GPR39: variants seen among roughly 807,000 people sequenced by gnomAD.
GPR39 encodes G protein-coupled receptor 39.
GPR39 carries 23 observed loss-of-function variants against 18.4 expected under a neutral mutation model. The observed-to-expected ratio is 1.25, with a 90% CI of 0.90 to 1.77. The LOEUF (loss-of-function observed/expected upper bound fraction) is 1.77, where lower values mean the gene tolerates loss of function less well. Ranked by LOEUF, GPR39 falls within the 40% of genes most tolerant of loss-of-function variation. GPR39 has a pLI of 0.00. For missense variants in GPR39, 647 were observed against 602.4 expected (o/e 1.07, Z -0.78); for synonymous variants, 280 against 257.9 (o/e 1.09, Z -0.82).
At chr2:132,543,988 C>T (rs1247528022) in intron 1 of GPR39, among the ~76,000 whole-genome samples, 2 of 152,152 alleles carry the variant, frequency 1.3e-5, no homozygotes, top group South Asian at 2.1e-4. Context: ...TGGCCCATGG[C>T]ATGACTTTCT....
intron 1 of GPR39, among the ~76,000 whole-genome samples, chr2:132,493,085 C>CATATATACCAT (rs1385125572): frequency 7.4e-6 from 1 of 134,284 alleles, no homozygotes; most frequent in African/African-American, 2.8e-5. Context: ...ACATATATAC[C>CATATATACCAT]ATATATATAC....
At chr2:132,471,602 G>A (rs911543520) in intron 1 of GPR39, among the ~76,000 whole-genome samples, 6 of 151,634 alleles carry the variant, frequency 4.0e-5, no homozygotes, top group African/African-American at 1.5e-4. Context: ...TCAGCCACTG[G>A]TTTATCACCT....
At chr2:132,599,747 G>C (rs997821746) in intron 1 of GPR39, among the ~76,000 whole-genome samples, 4 of 146,198 alleles carry the variant, frequency 2.7e-5, no homozygotes, top group African/African-American at 9.9e-5. Context: ...CTGATTTCTA[G>C]TGGGTTGAGG....
chr2:132,608,373 C>T (rs1286516231), intron 1 of GPR39, among the ~76,000 whole-genome samples: 1 of 152,194 alleles, frequency 6.6e-6, no homozygotes, highest in Non-Finnish European at 1.5e-5. Context: ...CCCTGCACAT[C>T]TTGTGAATAC....
chr2:132,566,768 A>T (rs1234739297), intron 1 of GPR39, among the ~76,000 whole-genome samples: 4 of 152,228 alleles, frequency 2.6e-5, no homozygotes, highest in South Asian at 2.1e-4. Context: ...TGTGGTACAC[A>T]TAACGTTCCC....
intron 1 of GPR39, among the ~76,000 whole-genome samples, chr2:132,480,640 G>A (rs904459490): frequency 6.6e-6 from 1 of 152,198 alleles, no homozygotes; most frequent in Non-Finnish European, 1.5e-5. Flanking sequence ...GAGAGTGTCA[G>A]AGATGGCTTG....
intron 1 of GPR39, among the ~76,000 whole-genome samples, chr2:132,430,355 G>T (rs1680203589): frequency 6.6e-6 from 1 of 152,206 alleles, no homozygotes; most frequent in Non-Finnish European, 1.5e-5. Flanking sequence ...AGAAGAAGGA[G>T]CTGGAAAGGC....
At chr2:132,558,116 T>A (rs899721885) in intron 1 of GPR39, among the ~76,000 whole-genome samples, 3 of 152,124 alleles carry the variant, frequency 2.0e-5, no homozygotes, top group African/African-American at 7.2e-5. Flanking sequence ...AGTGCAATAA[T>A]AACAACAAAA....
intron 1 of GPR39, among the ~76,000 whole-genome samples, chr2:132,435,801 C>T (rs929901874): frequency 6.6e-6 from 1 of 152,108 alleles, no homozygotes; most frequent in Non-Finnish European, 1.5e-5. Flanking sequence ...TCAAAAGTCC[C>T]CATAGACATA....
intron 1 of GPR39, among the ~76,000 whole-genome samples, chr2:132,427,779 C>T (rs965546983): frequency 6.7e-6 from 1 of 149,604 alleles, no homozygotes; most frequent in African/African-American, 2.4e-5. Flanking sequence ...TGTCCTGAGG[C>T]CTCGAACTCC....
intron 1 of GPR39, among the ~76,000 whole-genome samples, chr2:132,470,674 G>A (rs1355659266): frequency 2.7e-5 from 4 of 150,566 alleles, no homozygotes; most frequent in Non-Finnish European, 5.9e-5. Context: ...TATAGATCCA[G>A]TTGTACAAAG....
intron 1 of GPR39, among the ~76,000 whole-genome samples, chr2:132,493,481 T>C (rs1301891299): frequency 7.4e-6 from 1 of 135,522 alleles, no homozygotes; most frequent in East Asian, 2.1e-4. Flanking sequence ...CATATATATA[T>C]ATACACCATA....
chr2:132,542,701 T>A (rs1376513003), intron 1 of GPR39, among the ~76,000 whole-genome samples: 2 of 106,356 alleles, frequency 1.9e-5, no homozygotes, highest in African/African-American at 8.8e-5. Flanking sequence ...TTCTCTATAA[T>A]AACATCAAAA....
intron 1 of GPR39, among the ~76,000 whole-genome samples, chr2:132,444,353 A>G (rs905378972): frequency 2.0e-5 from 3 of 151,980 alleles, no homozygotes; most frequent in African/African-American, 7.3e-5. Context: ...GTGCAGTGGT[A>G]CAATCATAGC....
At chr2:132,624,743 G>T (rs1241274343) in intron 1 of GPR39, among the ~76,000 whole-genome samples, 1 of 152,118 alleles carries the variant, frequency 6.6e-6, no homozygotes, top group Non-Finnish European at 1.5e-5. Context: ...CATGTTCTAG[G>T]GTGCAGCTTT....
intron 1 of GPR39, among the ~76,000 whole-genome samples, chr2:132,633,102 A>G (rs1681681064): frequency 6.6e-6 from 1 of 152,100 alleles, no homozygotes; most frequent in Non-Finnish European, 1.5e-5. Flanking sequence ...TCATGTGGAA[A>G]GGTATTTTTG....
chr2:132,422,695 T>G (rs987940417), intron 1 of GPR39, among the ~76,000 whole-genome samples: 1 of 152,070 alleles, frequency 6.6e-6, no homozygotes, highest in East Asian at 1.9e-4. Context: ...CTCAAATATT[T>G]TATGTTTATT....
chr2:132,508,751 G>A (rs954228359), intron 1 of GPR39, among the ~76,000 whole-genome samples: 1 of 152,204 alleles, frequency 6.6e-6, no homozygotes, highest in Admixed American at 6.5e-5. Flanking sequence ...GCCCCAGGGA[G>A]CCTCAGAGAG....
At chr2:132,505,458 T>C (rs998482217) in intron 1 of GPR39, among the ~76,000 whole-genome samples, 17 of 152,178 alleles carry the variant, frequency 1.1e-4, no homozygotes, top group Admixed American at 5.2e-4. Context: ...GTTAACTGTA[T>C]TCACCCTACT....
Sources: gnomAD v4.1 joint callset for allele counts (sites outside exome capture counted in the v4.1 genomes callset) on GRCh38, gnomAD v4.1.1 for gene constraint, MANE v1.5 for transcripts, NCBI Gene and HGNC (gene_info 2026-07-23, HGNC 2026-07-21) for gene names.